Variants in PARD3B observed in about 807,000 individuals in gnomAD.
PARD3B encodes par-3 family cell polarity regulator beta.
Under a neutral mutation model 130.2 loss-of-function variants are expected in PARD3B, and 103 were observed. The ratio of observed to expected loss-of-function variants is 0.79; its 90% confidence interval spans 0.67 to 0.93. The LOEUF is 0.93. PARD3B is among the 40% of genes least tolerant of loss of function. The probability of loss-of-function intolerance (pLI) is 0.00; values close to 1 mark genes in which losing one functional copy is unlikely to be tolerated. For synonymous variants in PARD3B, 583 were observed against 553.2 expected, an observed-to-expected ratio of 1.05 and a Z score of -0.76; for missense variants, 1,609 against 1,499.2, an observed-to-expected ratio of 1.07 and a Z score of -1.21.
intron 5 of PARD3B, among the ~76,000 whole-genome samples, chr2:205,106,627 G>A (rs1206853631): frequency 1.3e-5 from 2 of 151,958 alleles, no homozygotes; most frequent in Non-Finnish European, 2.9e-5. Context: ...GACAGCTAGA[G>A]ACTTAATTGA....
intron 18 of PARD3B, among the ~76,000 whole-genome samples, chr2:205,380,810 ATATAT>A (rs1395237846): frequency 0.015 from 1,505 of 99,652 alleles, 56 homozygotes; most frequent in African/African-American, 0.06. Flanking sequence ...TATATAAAGA[ATATAT>A]TATATATTAT....
At chr2:205,134,102 T>C (rs1477157895) in intron 10 of PARD3B, among the ~76,000 whole-genome samples, 2 of 151,908 alleles carry the variant, frequency 1.3e-5, no homozygotes, top group Non-Finnish European at 2.9e-5. Flanking sequence ...GTTAGAGATA[T>C]CACAGATTCT....
chr2:205,156,373 T>C (rs2034163845), intron 10 of PARD3B, among the ~76,000 whole-genome samples: 1 of 151,712 alleles, frequency 6.6e-6, no homozygotes, highest in Non-Finnish European at 1.5e-5. Flanking sequence ...GTAACTAACC[T>C]GCACATTGTG....
At chr2:205,610,745 C>T (rs142174271) in intron 22 of PARD3B, among the ~76,000 whole-genome samples, 2 of 152,286 alleles carry the variant, frequency 1.3e-5, no homozygotes, top group African/African-American at 4.8e-5. Flanking sequence ...GGACCCAATA[C>T]AACCCTTTAT....
chr2:204,941,034 G>A (rs748469390), intron 2 of PARD3B, among the ~76,000 whole-genome samples: 8 of 152,140 alleles, frequency 5.3e-5, no homozygotes, highest in African/African-American at 9.7e-5. Context: ...TTCAATTAAC[G>A]TGGGAGAGTT....
chr2:204,632,270 T>A (rs186692194), intron 1 of PARD3B, among the ~76,000 whole-genome samples: 58 of 152,300 alleles, frequency 3.8e-4, no homozygotes, highest in Non-Finnish European at 6.2e-4. Flanking sequence ...TAAGGCCTCC[T>A]CAGCCATGTG....
chr2:205,216,186 C>G (rs1464562185), intron 15 of PARD3B, among the ~76,000 whole-genome samples: 2 of 152,114 alleles, frequency 1.3e-5, no homozygotes, highest in African/African-American at 4.8e-5. Context: ...ATAGTATTCA[C>G]TATAGTAACG....
chr2:205,092,628 AG>A lies in PARD3B; in HGVS notation c.505-11797del, dbSNP rs1314216088. Among the ~76,000 whole-genome samples the A allele has an allele frequency of 3.3e-4, 50 of 152,136 alleles. 1 individual carries two copies. Among genetic ancestry groups the A allele is most frequent in the Non-Finnish European group, 1.2e-4 (8 of 68,020 alleles). On this transcript the variant is annotated intron_variant, in intron 4 of 22. Transcript: ENST00000406610. ...TACCTTGACCCACGATTAAGTCTAAAGAAAAGAGATAGCTGGAAGAGGAGAG... is the reference window on the plus strand; with the variant it reads ...TACCTTGACCCACGATTAAGTCTAAAAAAAGAGATAGCTGGAAGAGGAGAG...
chr2:205,103,226 T>TAAACATTTTATATTTATGTAAA (rs1491020811), intron 4 of PARD3B, among the ~76,000 whole-genome samples: 14 of 132,352 alleles, frequency 1.1e-4, no homozygotes, highest in African/African-American at 3.5e-4. Context: ...TTATGTAAAA[T>TAAACATTTTATATTTATGTAAA]AAACATATTT....
At chr2:204,762,718 C>T (rs1183185837) in intron 2 of PARD3B, among the ~76,000 whole-genome samples, 4 of 150,188 alleles carry the variant, frequency 2.7e-5, no homozygotes, top group African/African-American at 9.8e-5. Context: ...ATTAGGGGGA[C>T]TTAACTGCCA....
chr2:205,218,480 AG>A (rs1338381381), intron 15 of PARD3B, among the ~76,000 whole-genome samples: 1 of 152,240 alleles, frequency 6.6e-6, no homozygotes, highest in African/African-American at 2.4e-5. Context: ...AATTGCAAAA[AG>A]GTTACACTTT....
chr2:205,075,959 A>G (rs1169583786), intron 4 of PARD3B, among the ~76,000 whole-genome samples: 2 of 152,174 alleles, frequency 1.3e-5, no homozygotes, highest in African/African-American at 4.8e-5. Context: ...ATTTAAAGCT[A>G]TGAAATTATA....
chr2:205,355,785 C>T (rs1406860180), intron 18 of PARD3B, among the ~76,000 whole-genome samples: 1 of 152,118 alleles, frequency 6.6e-6, no homozygotes, highest in Non-Finnish European at 1.5e-5. Flanking sequence ...CCTCAGGAGA[C>T]TTACAATGAT....
intron 19 of PARD3B, among the ~76,000 whole-genome samples, chr2:205,420,342 A>G (rs2046925925): frequency 6.6e-6 from 1 of 152,188 alleles, no homozygotes; most frequent in Non-Finnish European, 1.5e-5. Context: ...TAGTAGTATT[A>G]GGTCATTTAG....
In PARD3B at chr2:205,054,133, A is replaced by G. The variant is rs547531328; in HGVS notation, c.504+6443A>G. Among the ~76,000 whole-genome samples the G allele has an allele frequency of 1.9e-3, 290 of 151,928 alleles. 1 individual carries two copies. Among genetic ancestry groups the G allele is most frequent in the African/African-American group, 6.5e-3 (268 of 41,440 alleles). ...TTTTTAAATCAGTTATGCTTGCAAGACTCAAGTTTCAGGTAGGAAAAAACC... is the reference window on the plus strand; with the variant it reads ...TTTTTAAATCAGTTATGCTTGCAAGGCTCAAGTTTCAGGTAGGAAAAAACC... On this transcript the variant is annotated intron_variant, in intron 4 of 22. Coordinates refer to ENST00000406610, the MANE Select transcript of PARD3B (RefSeq NM_001302769.2).
intron 16 of PARD3B, among the ~76,000 whole-genome samples, chr2:205,283,189 T>G (rs1270329690): frequency 6.6e-6 from 1 of 152,224 alleles, no homozygotes; most frequent in Non-Finnish European, 1.5e-5. Context: ...TCACATTTGT[T>G]CACAATATAA....
At chr2:204,720,057 T>C (rs1022597202) in intron 2 of PARD3B, among the ~76,000 whole-genome samples, 5 of 137,216 alleles carry the variant, frequency 3.6e-5, no homozygotes, top group Admixed American at 3.5e-4. Context: ...TTGCTGTCTT[T>C]ATGGCATTTT....
intron 18 of PARD3B, among the ~76,000 whole-genome samples, chr2:205,376,697 A>C (rs568108514): frequency 6.6e-5 from 10 of 152,260 alleles, no homozygotes; most frequent in African/African-American, 2.4e-4. Flanking sequence ...CTGCCATGGG[A>C]GATGTAAACG....
At chr2:205,395,834 G>T (rs955624269) in intron 18 of PARD3B, among the ~76,000 whole-genome samples, 11 of 152,106 alleles carry the variant, frequency 7.2e-5, no homozygotes, top group Non-Finnish European at 1.5e-4. Context: ...TATCACTTCT[G>T]CTCAAAACAC....
Sources: gnomAD v4.1 joint callset for allele counts (sites outside exome capture counted in the v4.1 genomes callset) on GRCh38, gnomAD v4.1.1 for gene constraint, MANE v1.5 for transcripts, NCBI Gene and HGNC (gene_info 2026-07-23, HGNC 2026-07-21) for gene names.